BIRC6: variants seen among roughly 807,000 people sequenced by gnomAD.
BIRC6 encodes baculoviral IAP repeat containing 6.
A neutral mutation model predicts 503.3 loss-of-function variants in BIRC6; 98 were observed. The ratio of observed to expected loss-of-function variants is 0.19; its 90% CI spans 0.17 to 0.23. The LOEUF (loss-of-function observed/expected upper bound fraction) is 0.23, where lower values mean the gene tolerates loss of function less well. Ranked by LOEUF, BIRC6 falls within the 10% of genes least tolerant of loss-of-function variation. BIRC6 has a pLI of 1.00. For synonymous variants in BIRC6, 2,240 were observed against 2,078.7 expected (o/e 1.08, Z -2.11); for missense variants, 5,360 against 5,806.0 (o/e 0.92, Z 2.50).
chr2:32,471,761 T>C (rs926781661), intron 32 of BIRC6, among the ~76,000 whole-genome samples: 11 of 152,204 alleles, frequency 7.2e-5, no homozygotes, highest in Admixed American at 6.5e-4. Flanking sequence ...AAATCCAGTA[T>C]GTAAGCCATT....
At chr2:32,460,165 C>A (rs2047672281) in intron 23 of BIRC6, among the ~76,000 whole-genome samples, 1 of 123,070 alleles carries the variant, frequency 8.1e-6, no homozygotes, top group African/African-American at 3.1e-5. Context: ...TATGATATAT[C>A]TGATATAGAT....
rs145173018 is a variant in BIRC6, at chr2:32,495,004, C to G, written c.8468+1337C>G. Among the ~76,000 whole-genome samples the G allele has an allele frequency of 3.8e-3, 576 of 152,254 alleles. 4 individuals carry two copies. Among genetic ancestry groups the G allele is most frequent in the Middle Eastern group, 0.017 (5 of 294 alleles). On this transcript the variant is annotated intron_variant, in intron 45 of 73. Transcript: ENST00000421745. ...TTCAAATAAACAGTATTTATACATA[C>G]TTTGTGAGGATTTTGTGAAATTTTG...
At chr2:32,476,173 A>C in intron 33 of BIRC6, 40 bp from the exon 34 acceptor site, 1 of 1,479,440 alleles carries the variant, frequency 6.8e-7, no homozygotes, top group South Asian at 1.4e-5. Context: ...TTTTGTTTTT[A>C]ACGTTGTTAA....
At chr2:32,489,331 C>T (rs1354010571) in intron 42 of BIRC6, among the ~76,000 whole-genome samples, 2 of 151,968 alleles carry the variant, frequency 1.3e-5, no homozygotes, top group South Asian at 4.1e-4. Flanking sequence ...AATGTGAGTG[C>T]CAGCTCCACT....
At chr2:32,484,424 G>GGT (rs1187552420) in intron 39 of BIRC6, among the ~76,000 whole-genome samples, 1 of 151,720 alleles carries the variant, frequency 6.6e-6, no homozygotes, top group Non-Finnish European at 1.5e-5. Flanking sequence ...CATGGTGGCG[G>GGT]GTACCTGTAA....
rs2050145913 is a variant in BIRC6, at chr2:32,479,531, C to A, written c.7322C>A (p.Thr2441Lys). 6.2e-7 allele frequency: 1 copy of A among 1,606,354 alleles called. No individual in the cohort carries two copies. The highest frequency in any genetic ancestry group is 8.5e-7 in the Non-Finnish European group (1 of 1,176,108). Residue 2441 changes from threonine to lysine, a missense_variant, in exon 37 of 74, where the codon ACA (threonine) becomes AAA (lysine). This residue lies in a region of BIRC6 where 2,299 missense variants were observed against 2,267.2 expected (regional missense o/e 1.01). Transcript: ENST00000421745. ...EGTVGDDVGATAGDSDDSLQQ... is the reference protein window; with the variant it reads ...EGTVGDDVGAKAGDSDDSLQQ... ...ACAGTGGGTGATGATGTAGGTGCGA[C>A]AGCTGGTGACTCTGATGACTCCCTT...
intron 24 of BIRC6, among the ~76,000 whole-genome samples, chr2:32,464,115 T>C (rs1328261425): frequency 6.6e-6 from 1 of 152,194 alleles, no homozygotes; most frequent in East Asian, 1.9e-4. Flanking sequence ...TGGTCCCTGG[T>C]GTCAAAAAGG....
intron 22 of BIRC6, among the ~76,000 whole-genome samples, chr2:32,452,903 A>G (rs554451161): frequency 7.2e-5 from 11 of 152,226 alleles, no homozygotes; most frequent in Non-Finnish European, 1.3e-4. Flanking sequence ...GTCAGGCCCT[A>G]TGCTGACCCC....
chr2:32,372,934 C>T lies in BIRC6; in HGVS notation c.326-4654C>T, dbSNP rs72867225. 5.1e-3 allele frequency among the ~76,000 whole-genome samples: 782 copies of T among 152,214 alleles called. 5 individuals carry two copies. Among genetic ancestry groups the T allele is most frequent in the African/African-American group, 0.018 (738 of 41,542 alleles). ...TTCTGAGTATAGATTTTTGTGTGAACATAAGCTTTTATGTCTCCAGGGTAA... is the reference window on the plus strand; with the variant it reads ...TTCTGAGTATAGATTTTTGTGTGAATATAAGCTTTTATGTCTCCAGGGTAA... On this transcript the variant is annotated intron_variant, in intron 1 of 73. Transcript: ENST00000421745.
chr2:32,537,185 T>C (rs1364171160), intron 61 of BIRC6, among the ~76,000 whole-genome samples: 2 of 152,118 alleles, frequency 1.3e-5, no homozygotes, highest in Non-Finnish European at 1.5e-5. Context: ...TTTCTAGATA[T>C]ACAATCTGTA....
chr2:32,475,676 TAG>T (rs1410262946), intron 33 of BIRC6, among the ~76,000 whole-genome samples: 2 of 152,310 alleles, frequency 1.3e-5, no homozygotes, highest in East Asian at 3.8e-4. Context: ...AAAATATCAT[TAG>T]AGAAAATTGG....
Position 32,412,933 on chromosome 2 carries a change from C to G in BIRC6, c.1478-1836C>G, listed in dbSNP as rs536193459. On this transcript the variant is annotated intron_variant, in intron 9 of 73. Transcript: ENST00000421745. The stretch of plus-strand genomic sequence containing the variant: ...GTTATGTATAAATAATATTTTTTAA[C>G]TCTTTAATCACATTACTTTTTTGAA... Among the ~76,000 whole-genome samples, 444 of 151,952 alleles carry G rather than the reference C, an allele frequency of 2.9e-3. 2 individuals carry two copies. The highest frequency in any genetic ancestry group is 0.01 in the African/African-American group (417 of 41,472).
At chr2:32,605,200 G>C (rs1222350639) in intron 71 of BIRC6, among the ~76,000 whole-genome samples, 1 of 151,858 alleles carries the variant, frequency 6.6e-6, no homozygotes, top group African/African-American at 2.4e-5. Flanking sequence ...ATTTTTTTCT[G>C]ATCTTTTCCC....
chr2:32,382,483 A>G (rs773628588), intron 3 of BIRC6, among the ~76,000 whole-genome samples: 2 of 152,220 alleles, frequency 1.3e-5, no homozygotes, highest in Non-Finnish European at 2.9e-5. Flanking sequence ...CTTTCTTTCC[A>G]GTTTCCTTCC....
chr2:32,443,020 A>G (rs575697052), intron 19 of BIRC6, among the ~76,000 whole-genome samples: 3 of 152,232 alleles, frequency 2.0e-5, no homozygotes, highest in Non-Finnish European at 4.4e-5. Context: ...TAAACTAGGC[A>G]TAGTAAGAGA....
At chr2:32,502,331 G>A (rs1219677426) in intron 47 of BIRC6, among the ~76,000 whole-genome samples, 2 of 151,788 alleles carry the variant, frequency 1.3e-5, no homozygotes, top group Non-Finnish European at 2.9e-5. Flanking sequence ...TTTCCTTTTT[G>A]TATTTCATTT....
rs1055757484 is a variant in BIRC6, at chr2:32,488,783, A to C, written c.8095+69A>C. 3 of 1,093,938 alleles carry C rather than the reference A, an allele frequency of 2.7e-6. No homozygotes were observed. In the East Asian group the frequency reaches 8.4e-5, roughly 31 times the overall value. 67.8% of individuals were successfully genotyped at this position (1,093,938 alleles called of 1,614,324 possible). A position where few individuals can be genotyped will look rare whatever the true frequency, so the allele number is the denominator to read the frequency against. On this transcript the variant is annotated intron_variant, in intron 42 of 73. Coordinates refer to ENST00000421745, the MANE Select transcript of BIRC6 (RefSeq NM_016252.4). The stretch of plus-strand genomic sequence containing the variant: ...CTTAAAACGTAATTATTAGGTTAAA[A>C]TATACCTAATCTTTGTCATTAGGGG...
chr2:32,473,228 C>A lies in BIRC6; in HGVS notation c.6709C>A (p.His2237Asn). Residue 2237 changes from histidine (H) to asparagine (N), a missense_variant, in exon 33 of 74, where the codon CAT (histidine) becomes AAT (asparagine). By Grantham distance (68) the His-to-Asn change is moderately conservative. Around this residue, in one of 16 missense-constraint regions of BIRC6, gnomAD observed 2,299 missense variants for 2,267.2 expected, o/e 1.01. Transcript: ENST00000421745. The stretch of plus-strand genomic sequence containing the variant: ...CAGAAAAATCAGAAAGCAGCTTGTT[C>A]ATCATAAACAGGTAATTGTCAATAT... Reference protein sequence around the residue: ...YSRKIRKQLVHHKQQLNLLKA... With the variant: ...YSRKIRKQLVNHKQQLNLLKA... The A allele has an allele frequency of 1.3e-6, 2 of 1,536,614 alleles. No individual in the cohort carries two copies. The highest frequency in any genetic ancestry group is 1.2e-5 in the South Asian group (1 of 80,538).
intron 1 of BIRC6, among the ~76,000 whole-genome samples, chr2:32,371,390 T>C (rs2035922755): frequency 6.6e-6 from 1 of 151,964 alleles, no homozygotes; most frequent in Admixed American, 6.6e-5. Context: ...TTATTTTTTT[T>C]TGGAGACAGA....
Sources: gnomAD v4.1 joint callset for allele counts (sites outside exome capture counted in the v4.1 genomes callset) on GRCh38, gnomAD v4.1.1 for gene constraint, gnomAD v4.1.1 regional missense constraint, MANE v1.5 for transcripts, NCBI Gene and HGNC (gene_info 2026-07-23, HGNC 2026-07-21) for gene names.